ZBTB20: variants seen among roughly 807,000 people sequenced by gnomAD.
ZBTB20 encodes the protein zinc finger and BTB domain containing 20.
ZBTB20 carries 9 observed loss-of-function variants against 56.9 expected under a neutral mutation model. The observed-to-expected ratio is 0.16, with a 90% confidence interval of 0.10 to 0.28. The LOEUF (loss-of-function observed/expected upper bound fraction) is 0.28, where lower values mean the gene tolerates loss of function less well. ZBTB20 is among the 10% of genes least tolerant of loss of function. The pLI is 1.00. For synonymous variants in ZBTB20, 417 were observed against 420.7 expected, an observed-to-expected ratio of 0.99 and a Z score of 0.11; for missense variants, 655 against 1,003.0, an observed-to-expected ratio of 0.65 and a Z score of 4.69.
chr3:114,640,007 G>C (rs1232416370), intron 6 of ZBTB20, among the ~76,000 whole-genome samples: 1 of 151,940 alleles, frequency 6.6e-6, no homozygotes, highest in East Asian at 1.9e-4. Flanking sequence ...TTTTTTAGTA[G>C]TTTAATTTTT....
intron 6 of ZBTB20, among the ~76,000 whole-genome samples, chr3:114,598,719 A>G (rs1195075482): frequency 6.6e-6 from 1 of 151,990 alleles, no homozygotes. Context: ...TCATTTTTTT[A>G]TATACTGGAA....
chr3:114,412,365 G>A (rs2088054228), intron 7 of ZBTB20, among the ~76,000 whole-genome samples: 1 of 152,164 alleles, frequency 6.6e-6, no homozygotes, highest in Admixed American at 6.6e-5. Flanking sequence ...GTGGTGCCAA[G>A]TGTGAGCCAA....
At chr3:114,970,691 C>T (rs754981876) in intron 3 of ZBTB20, among the ~76,000 whole-genome samples, 13 of 152,138 alleles carry the variant, frequency 8.5e-5, no homozygotes, top group Non-Finnish European at 1.6e-4. Context: ...CAATCAATTA[C>T]TTGAGATAGC....
intron 6 of ZBTB20, chr3:114,518,368 C>T (rs1355128929): frequency 6.6e-6 from 1 of 151,890 alleles, no homozygotes; most frequent in Non-Finnish European, 1.5e-5. Context: ...TTGAAAACAC[C>T]CAAAATGATT....
chr3:114,721,647 C>G lies in ZBTB20; in HGVS notation c.-342-28072G>C, dbSNP rs139985306. Reference sequence around the variant, plus strand: ...GTTATGCAGTTAGTAAGTGGTGAAGCCTGGATTCAAACCCAGGCAATCTGA... The same window carrying G: ...GTTATGCAGTTAGTAAGTGGTGAAGGCTGGATTCAAACCCAGGCAATCTGA... On this transcript the variant is annotated intron_variant, in intron 5 of 11. Transcript: ENST00000675478. 2.6e-3 allele frequency among the ~76,000 whole-genome samples: 389 copies of G among 152,222 alleles called. 3 individuals carry two copies. Among genetic ancestry groups the G allele is most frequent in the African/African-American group, 8.9e-3 (369 of 41,548 alleles).
intron 6 of ZBTB20, among the ~76,000 whole-genome samples, chr3:114,516,661 G>A (rs1330698391): frequency 6.6e-6 from 1 of 152,074 alleles, no homozygotes; most frequent in Non-Finnish European, 1.5e-5. Flanking sequence ...CTGTAGAGTG[G>A]GCCTGCAATC....
At chr3:114,537,556 A>G (rs2048616856) in intron 6 of ZBTB20, among the ~76,000 whole-genome samples, 1 of 152,240 alleles carries the variant, frequency 6.6e-6, no homozygotes, top group South Asian at 2.1e-4. Context: ...AATTAGTTCA[A>G]CCATTCTGGA....
At chr3:114,849,547 A>C (rs1213794872) in intron 4 of ZBTB20, among the ~76,000 whole-genome samples, 2 of 152,210 alleles carry the variant, frequency 1.3e-5, no homozygotes, top group Admixed American at 1.3e-4. Context: ...TTTGTTTTCT[A>C]ATTGACAGTT....
intron 1 of ZBTB20, among the ~76,000 whole-genome samples, chr3:115,125,861 G>GT (rs2084317096): frequency 6.6e-6 from 1 of 151,836 alleles, no homozygotes; most frequent in Admixed American, 6.6e-5. Flanking sequence ...TTTACATGTA[G>GT]AAAATAAAGC....
rs10934265 is a variant in ZBTB20, at chr3:114,330,923, T to C, written c.*8082A>G. 0.041 allele frequency: 6,298 copies of C among 152,292 alleles called. 166 individuals carry two copies. The highest frequency in any genetic ancestry group is 0.066 in the South Asian group (317 of 4,818). The allele number at this position is 152,292 out of a possible 1,614,324, so 9.4% of individuals were successfully genotyped here. On this transcript the variant is annotated 3_prime_UTR_variant, in exon 12 of 12. Coordinates refer to ENST00000675478, the MANE Select transcript of ZBTB20 (RefSeq NM_001348800.3). The stretch of plus-strand genomic sequence containing the variant: ...GAGATGGGCAAGAGCAATCAATTCC[T>C]ACAGATTACCAAAAAACATTCCCCC...
At chr3:115,006,508 A>C (rs571825259) in intron 2 of ZBTB20, among the ~76,000 whole-genome samples, 4 of 151,600 alleles carry the variant, frequency 2.6e-5, no homozygotes, top group African/African-American at 9.7e-5. Context: ...AAAGCTTGAA[A>C]TATGTGAAAT....
chr3:114,406,992 G>A (rs1264754962), intron 7 of ZBTB20, among the ~76,000 whole-genome samples: 1 of 151,966 alleles, frequency 6.6e-6, no homozygotes, highest in Non-Finnish European at 1.5e-5. Flanking sequence ...ACTATTCATT[G>A]TTCCTGTTTT....
At chr3:114,840,803 G>A (rs532026119) in intron 4 of ZBTB20, among the ~76,000 whole-genome samples, 1 of 152,212 alleles carries the variant, frequency 6.6e-6, no homozygotes, top group Non-Finnish European at 1.5e-5. Context: ...TGCAGTTTAG[G>A]TATCTCTTAT....
At chr3:114,595,008 T>C (rs1346277750) in intron 6 of ZBTB20, among the ~76,000 whole-genome samples, 1 of 152,234 alleles carries the variant, frequency 6.6e-6, no homozygotes, top group Non-Finnish European at 1.5e-5. Context: ...AATCCATTTA[T>C]ACTTATATAA....
chr3:114,528,042 T>A (rs1338180122), intron 6 of ZBTB20, among the ~76,000 whole-genome samples: 1 of 151,660 alleles, frequency 6.6e-6, no homozygotes, highest in Non-Finnish European at 1.5e-5. Flanking sequence ...GTGATTTCAC[T>A]ACATGGACAA....
chr3:114,451,787 C>T (rs1199882416), intron 7 of ZBTB20, among the ~76,000 whole-genome samples: 1 of 152,138 alleles, frequency 6.6e-6, no homozygotes, highest in African/African-American at 2.4e-5. Flanking sequence ...AAGAAAGGGC[C>T]AGTGTATTCC....
chr3:114,515,553 C>A (rs1425469185), intron 6 of ZBTB20, among the ~76,000 whole-genome samples: 1 of 152,178 alleles, frequency 6.6e-6, no homozygotes, highest in African/African-American at 2.4e-5. Context: ...TTTCCTTTTT[C>A]ACTCCACAGT....
intron 1 of ZBTB20, among the ~76,000 whole-genome samples, chr3:115,145,099 A>T (rs1459020773): frequency 6.6e-6 from 1 of 152,224 alleles, no homozygotes; most frequent in East Asian, 1.9e-4. Context: ...AGTACTGAAC[A>T]GTTACATCAG....
intron 10 of ZBTB20, among the ~76,000 whole-genome samples, chr3:114,378,793 C>G (rs1461772351): frequency 6.6e-6 from 1 of 152,190 alleles, no homozygotes; most frequent in Non-Finnish European, 1.5e-5. Flanking sequence ...TCTGTCATTA[C>G]TATTACACTG....
Sources: gnomAD v4.1 joint callset for allele counts (sites outside exome capture counted in the v4.1 genomes callset) on GRCh38, gnomAD v4.1.1 for gene constraint, MANE v1.5 for transcripts, NCBI Gene and HGNC (gene_info 2026-07-23, HGNC 2026-07-21) for gene names.